SLC39A12: variants seen among roughly 807,000 people sequenced by gnomAD.
SLC39A12 encodes the protein solute carrier family 39 member 12, also known as zinc transporter ZIP12.
Under a neutral mutation model 71.1 loss-of-function variants are expected in SLC39A12, and 63 were observed. The observed-to-expected ratio is 0.89, with a 90% CI of 0.72 to 1.09. The LOEUF (loss-of-function observed/expected upper bound fraction) is 1.09, where lower values mean the gene tolerates loss of function less well. Among genes scored for constraint, SLC39A12 ranks in the 50% least tolerant of loss-of-function variants. SLC39A12 has a pLI of 0.00. For missense variants in SLC39A12, 892 were observed against 812.6 expected, an observed-to-expected ratio of 1.10 and a Z score of -1.19; for synonymous variants, 351 against 301.3, an observed-to-expected ratio of 1.16 and a Z score of -1.71.
intron 12 of SLC39A12, among the ~76,000 whole-genome samples, chr10:18,030,707 T>C (rs1256332151): frequency 2.6e-5 from 4 of 151,154 alleles, no homozygotes; most frequent in Non-Finnish European, 5.9e-5. Context: ...TAGTTACATA[T>C]GTATACATGT....
Sources: gnomAD v4.1 joint callset for allele counts (sites outside exome capture counted in the v4.1 genomes callset) on GRCh38, gnomAD v4.1.1 for gene constraint, MANE v1.5 for transcripts, NCBI Gene and HGNC (gene_info 2026-07-23, HGNC 2026-07-21) for gene names.